Variants in LMBR1 observed in about 807,000 individuals in gnomAD.
LMBR1 encodes limb region 1 protein homolog.
In LMBR1, 52 loss-of-function variants were observed where a neutral mutation model predicts 73.9. The observed-to-expected ratio is 0.70, with a 90% CI of 0.56 to 0.89. The LOEUF (loss-of-function observed/expected upper bound fraction) is 0.89. Among genes scored for constraint, LMBR1 ranks in the 40% least tolerant of loss-of-function variants. The pLI, the probability that LMBR1 is intolerant of heterozygous loss-of-function variation, is 0.00. For synonymous variants in LMBR1, 215 were observed against 209.4 expected (o/e 1.03, Z -0.23); for missense variants, 539 against 579.8 (o/e 0.93, Z 0.72).
intron 3 of LMBR1, among the ~76,000 whole-genome samples, chr7:156,828,098 A>G (rs75311814): frequency 0.032 from 4,816 of 152,266 alleles, 121 homozygotes; most frequent in South Asian, 0.084. Context: ...ATTCCTTCCT[A>G]TGCTAAAATT....
rs533148177 is a variant in LMBR1 at position 156,830,412 on chromosome 7, T to C, written c.179+3341A>G. Reference sequence around the variant, plus strand: ...TACATCTTAAAGTTTAACAGGTTGATAATATCTAATCAAGAAGTACATATG... The same window carrying C: ...TACATCTTAAAGTTTAACAGGTTGACAATATCTAATCAAGAAGTACATATG... On this transcript the variant is annotated intron_variant, in intron 3 of 16. Transcript: ENST00000353442. 8.9e-4 allele frequency among the ~76,000 whole-genome samples: 135 copies of C among 152,338 alleles called. 1 individual carries two copies. Among genetic ancestry groups the C allele is most frequent in the African/African-American group, 3.2e-3 (135 of 41,574 alleles).
At chr7:156,774,116 G>A (rs1825708962) in intron 5 of LMBR1, among the ~76,000 whole-genome samples, 2 of 152,066 alleles carry the variant, frequency 1.3e-5, no homozygotes, top group Non-Finnish European at 2.9e-5. Context: ...TGAAAAAAAT[G>A]CAACAACACT....
At chr7:156,816,998 C>A (rs935302775) in intron 4 of LMBR1, among the ~76,000 whole-genome samples, 1 of 151,972 alleles carries the variant, frequency 6.6e-6, no homozygotes, top group South Asian at 2.1e-4. Flanking sequence ...GTAGTCAAAC[C>A]CTAAAAAATT....
rs564639814 is a variant in LMBR1, at chr7:156,762,123, T to G, written c.684+11A>C. The G allele has an allele frequency of 6.5e-7, 1 of 1,529,492 alleles. No homozygotes were observed. The highest frequency in any genetic ancestry group is 1.1e-5 in the South Asian group (1 of 88,824). The allele number at this position is 1,529,492 out of a possible 1,614,324, so 94.7% of individuals were successfully genotyped here. A position where few individuals can be genotyped will look rare whatever the true frequency, so the allele number is the denominator to read the frequency against. ...TTTAATAAACAAAATGATTTATAAT[T>G]AAATACTTACTGTTGGCTTCACTAG... On this transcript the variant is annotated intron_variant, in intron 8 of 16. Transcript: ENST00000353442.
At chr7:156,701,008 T>C (rs1234349737) in intron 15 of LMBR1, among the ~76,000 whole-genome samples, 1 of 152,114 alleles carries the variant, frequency 6.6e-6, no homozygotes, top group East Asian at 1.9e-4. Flanking sequence ...GGAAACCCCC[T>C]TTTTAAAACC....
chr7:156,779,214 T>C (rs1826681064), intron 5 of LMBR1, among the ~76,000 whole-genome samples: 2 of 152,198 alleles, frequency 1.3e-5, no homozygotes, highest in African/African-American at 4.8e-5. Flanking sequence ...TATTTTTATT[T>C]CCCAGTATGA....
intron 4 of LMBR1, among the ~76,000 whole-genome samples, chr7:156,802,275 G>C (rs950064181): frequency 1.3e-5 from 2 of 152,308 alleles, no homozygotes; most frequent in African/African-American, 4.8e-5. Context: ...GGGCCACCAC[G>C]CCTGGCCCCT....
intron 1 of LMBR1, among the ~76,000 whole-genome samples, chr7:156,838,233 AAC>A (rs1241532750): frequency 3.3e-5 from 5 of 152,212 alleles, no homozygotes; most frequent in African/African-American, 1.2e-4. Flanking sequence ...TTGTGATGAG[AAC>A]ACTTAAAATC....
chr7:156,739,541 G>A (rs1247022897), intron 9 of LMBR1, among the ~76,000 whole-genome samples: 1 of 152,184 alleles, frequency 6.6e-6, no homozygotes, highest in Non-Finnish European at 1.5e-5. Context: ...TCCCAGTGTT[G>A]GTGGCCACAG....
chr7:156,822,335 G>T (rs545985842), intron 4 of LMBR1: 1 of 152,238 alleles, frequency 6.6e-6, no homozygotes, highest in Non-Finnish European at 1.5e-5. Context: ...ACCTTGATAT[G>T]GTCATTTTAT....
intron 5 of LMBR1, among the ~76,000 whole-genome samples, chr7:156,786,261 G>A (rs1828078206): frequency 7.1e-6 from 1 of 141,010 alleles, no homozygotes; most frequent in Non-Finnish European, 1.5e-5. Context: ...GAAGGAGGAA[G>A]GGAAGGGAAG....
At chr7:156,865,234 G>C (rs1022611430) in intron 1 of LMBR1, among the ~76,000 whole-genome samples, 10 of 152,052 alleles carry the variant, frequency 6.6e-5, no homozygotes, top group Admixed American at 4.6e-4. Context: ...TTGAGCCTAG[G>C]GGTTTCAGGC....
chr7:156,864,952 C>T (rs944707048), intron 1 of LMBR1, among the ~76,000 whole-genome samples: 1 of 148,852 alleles, frequency 6.7e-6, no homozygotes, highest in Non-Finnish European at 1.5e-5. Context: ...GCCGAGGTCG[C>T]GCCATTGCAC....
At position 156,683,793 on chromosome 7, in the gene LMBR1, T is replaced by C. The variant is rs887703650; in HGVS notation, c.*285A>G. ...GAAAACAATTTTTTCATATGGGTGA[T>C]TGTATTTACCAACATGAGCAAATGT... is the stretch of plus-strand genomic sequence containing the variant. On this transcript the variant is annotated 3_prime_UTR_variant, in exon 17 of 17. Transcript: ENST00000353442. 4 of 287,670 alleles carry C rather than the reference T, an allele frequency of 1.4e-5. No individual in the cohort carries two copies. The highest frequency in any genetic ancestry group is 2.6e-5 in the Non-Finnish European group (4 of 156,830). 17.8% of individuals were successfully genotyped at this position (287,670 alleles called of 1,614,324 possible).
At chr7:156,853,306 T>A (rs985157937) in intron 1 of LMBR1, among the ~76,000 whole-genome samples, 4 of 152,048 alleles carry the variant, frequency 2.6e-5, no homozygotes, top group African/African-American at 9.7e-5. Context: ...CACTAATATA[T>A]TGTAATAAGC....
chr7:156,820,673 G>A (rs1834628665), intron 4 of LMBR1, among the ~76,000 whole-genome samples: 1 of 152,198 alleles, frequency 6.6e-6, no homozygotes, highest in East Asian at 1.9e-4. Flanking sequence ...TCAAAAAAGA[G>A]GCATAACATC....
chr7:156,836,071 CT>C (rs1837597056), intron 2 of LMBR1, among the ~76,000 whole-genome samples: 1 of 152,168 alleles, frequency 6.6e-6, no homozygotes, highest in African/African-American at 2.4e-5. Context: ...AGTAACAGTA[CT>C]AAACTAATAC....
At chr7:156,797,527 A>C (rs1289731492) in intron 4 of LMBR1, among the ~76,000 whole-genome samples, 1 of 152,222 alleles carries the variant, frequency 6.6e-6, no homozygotes, top group Non-Finnish European at 1.5e-5. Context: ...GGTGATGAAG[A>C]AACACAACCC....
chr7:156,853,236 C>T (rs371252441), intron 1 of LMBR1, among the ~76,000 whole-genome samples: 3 of 152,170 alleles, frequency 2.0e-5, no homozygotes, highest in East Asian at 3.9e-4. Context: ...CCGCACCCGG[C>T]CGAATAATGC....
Sources: gnomAD v4.1 joint callset for allele counts (sites outside exome capture counted in the v4.1 genomes callset) on GRCh38, gnomAD v4.1.1 for gene constraint, MANE v1.5 for transcripts, NCBI Gene and HGNC (gene_info 2026-07-23, HGNC 2026-07-21) for gene names.